The following POU2F1 variants were observed in gnomAD, a reference collection of about 807,000 sequenced individuals.
The protein encoded by POU2F1 is POU domain, class 2, transcription factor 1.
A neutral mutation model predicts 84.9 loss-of-function variants in POU2F1; 16 were observed. The ratio of observed to expected loss-of-function variants is 0.19; its 90% CI spans 0.13 to 0.29. The LOEUF is 0.29. POU2F1 is among the 10% of genes least tolerant of loss of function. POU2F1 has a pLI of 1.00. For missense variants in POU2F1, 738 were observed against 942.6 expected, an observed-to-expected ratio of 0.78 and a Z score of 2.84; for synonymous variants, 368 against 368.3, an observed-to-expected ratio of 1.00 and a Z score of 0.01.
chr1:167,370,689 A>G (rs1439776394), intron 4 of POU2F1, among the ~76,000 whole-genome samples: 1 of 152,112 alleles, frequency 6.6e-6, no homozygotes, highest in Non-Finnish European at 1.5e-5. Flanking sequence ...AAGTCACATA[A>G]CCTCCTTGGG....
intron 1 of POU2F1, among the ~76,000 whole-genome samples, chr1:167,228,812 G>A (rs1466810968): frequency 1.3e-5 from 2 of 152,102 alleles, no homozygotes; most frequent in Non-Finnish European, 2.9e-5. Flanking sequence ...CTGGAGCAAG[G>A]CAGGTATAAA....
At chr1:167,262,143 G>A (rs1038061067) in intron 1 of POU2F1, among the ~76,000 whole-genome samples, 4 of 152,162 alleles carry the variant, frequency 2.6e-5, no homozygotes, top group Non-Finnish European at 5.9e-5. Flanking sequence ...GCTAATTACA[G>A]TGCAGGTGTT....
At chr1:167,282,437 C>T (rs1653222401) in intron 1 of POU2F1, among the ~76,000 whole-genome samples, 1 of 152,222 alleles carries the variant, frequency 6.6e-6, no homozygotes, top group Non-Finnish European at 1.5e-5. Flanking sequence ...ACCTACCGCG[C>T]CTGGCCAAAA....
chr1:167,232,591 C>G (rs1470644385), intron 1 of POU2F1, among the ~76,000 whole-genome samples: 2 of 152,052 alleles, frequency 1.3e-5, no homozygotes, highest in Non-Finnish European at 1.5e-5. Flanking sequence ...GCCTGTAATC[C>G]CAGCACTTTG....
At chr1:167,229,245 G>C (rs1465062195) in intron 1 of POU2F1, among the ~76,000 whole-genome samples, 1 of 151,904 alleles carries the variant, frequency 6.6e-6, no homozygotes, top group African/African-American at 2.4e-5. Flanking sequence ...GATGCAAAGA[G>C]ATTATCAAGG....
chr1:167,307,876 A>C (rs961547537), intron 1 of POU2F1, among the ~76,000 whole-genome samples: 2 of 152,172 alleles, frequency 1.3e-5, no homozygotes, highest in Non-Finnish European at 2.9e-5. Context: ...GAATAGTTCC[A>C]TAAGTCTTTT....
intron 2 of POU2F1, among the ~76,000 whole-genome samples, chr1:167,333,597 G>A (rs1366766324): frequency 6.6e-6 from 1 of 152,176 alleles, no homozygotes; most frequent in Non-Finnish European, 1.5e-5. Flanking sequence ...ACCTGGAGAT[G>A]CTTATGTTAA....
At chr1:167,381,598 CTT>C (rs1254288356) in intron 7 of POU2F1, among the ~76,000 whole-genome samples, 1 of 138,052 alleles carries the variant, frequency 7.2e-6, no homozygotes, top group Non-Finnish European at 1.5e-5. Context: ...TTTGTGCTCT[CTT>C]CTCTTTTTTT....
chr1:167,399,997 T>G (rs1380299139), intron 12 of POU2F1, among the ~76,000 whole-genome samples: 1 of 79,816 alleles, frequency 1.3e-5, no homozygotes, highest in Non-Finnish European at 2.5e-5. Context: ...TTTTTTTTTT[T>G]GTTGAGACAG....
rs1184183063 is a variant in POU2F1, at chr1:167,325,887, C to CAA, written c.62-6568_62-6567dup. Among the ~76,000 whole-genome samples, 459 of 99,500 alleles carry CAA rather than the reference C, an allele frequency of 4.6e-3. 2 individuals carry two copies. The highest frequency in any genetic ancestry group is 0.013 in the African/African-American group (399 of 30,670). 65.3% of individuals were successfully genotyped at this position (99,500 alleles called of 152,430 possible). ...ATGGGCAAAAGAGCAAACTCCATCT[C>CAA]AAAAAAAAAAAAAAAACTAGTAGTG... is the stretch of plus-strand genomic sequence containing the variant. On this transcript the variant is annotated intron_variant, in intron 1 of 15. Transcript: ENST00000367866.
intron 1 of POU2F1, among the ~76,000 whole-genome samples, chr1:167,266,284 T>G (rs1024164448): frequency 2.0e-5 from 3 of 152,226 alleles, no homozygotes; most frequent in Non-Finnish European, 2.9e-5. Flanking sequence ...CCAAATTATC[T>G]TCCGAAGGTG....
chr1:167,329,366 T>A, intron 1 of POU2F1: 1 of 1,521,516 alleles, frequency 6.6e-7, no homozygotes, highest in South Asian at 1.2e-5. Flanking sequence ...GTGTGTCGGG[T>A]TGACTATGCA....
At chr1:167,253,521 G>A (rs868020623) in intron 1 of POU2F1, among the ~76,000 whole-genome samples, 1 of 151,956 alleles carries the variant, frequency 6.6e-6, no homozygotes, top group Non-Finnish European at 1.5e-5. Context: ...TGCCTCTCAG[G>A]CTCAGGCGAT....
chr1:167,426,713 A>T lies in POU2F1; in HGVS notation c.*10903A>T, dbSNP rs1650973444. On this transcript the variant is annotated 3_prime_UTR_variant, in exon 16 of 16. Coordinates refer to ENST00000367866, the MANE Select transcript of POU2F1 (RefSeq NM_002697.4). ...CCGGCCTCCTAGAACTTTTTGTTTTATGTACTTTAAAATGTGAGTTTGAGT... is the reference window on the plus strand; with the variant it reads ...CCGGCCTCCTAGAACTTTTTGTTTTTTGTACTTTAAAATGTGAGTTTGAGT... 6.6e-6 allele frequency: 1 copy of T among 152,038 alleles called. No homozygotes were observed. The highest frequency in any genetic ancestry group is 2.4e-5 in the African/African-American group (1 of 41,374). 9.4% of individuals were successfully genotyped at this position (152,038 alleles called of 1,614,324 possible).
At chr1:167,279,378 A>G (rs981503021) in intron 1 of POU2F1, among the ~76,000 whole-genome samples, 4 of 152,234 alleles carry the variant, frequency 2.6e-5, no homozygotes, top group Non-Finnish European at 5.9e-5. Context: ...GTGTCCCCCC[A>G]TGACAGAACA....
intron 1 of POU2F1, among the ~76,000 whole-genome samples, chr1:167,318,342 G>A (rs531519071): frequency 3.1e-4 from 47 of 152,268 alleles, no homozygotes; most frequent in South Asian, 1.7e-3. Flanking sequence ...CCATTTGACC[G>A]TTTTGTTTAG....
At position 167,422,414 on chromosome 1, in the gene POU2F1, A is replaced by G. The variant is rs1650703757; in HGVS notation, c.*6604A>G. The G allele has an allele frequency of 6.6e-6, 1 of 152,360 alleles. No homozygotes were observed. Among genetic ancestry groups the G allele is most frequent in the East Asian group, 1.9e-4 (1 of 5,188 alleles). The allele number at this position is 152,360 out of a possible 1,614,324, so 9.4% of individuals were successfully genotyped here. A position where few individuals can be genotyped will look rare whatever the true frequency, so the allele number is the denominator to read the frequency against. On this transcript the variant is annotated 3_prime_UTR_variant, in exon 16 of 16. Coordinates refer to ENST00000367866, the MANE Select transcript of POU2F1 (RefSeq NM_002697.4). Reference sequence around the variant, plus strand: ...AACACAACACTTTAAAACCTTACTTACTTTTCTCATACCAAGGCTAGTTCT... The same window carrying G: ...AACACAACACTTTAAAACCTTACTTGCTTTTCTCATACCAAGGCTAGTTCT...
chr1:167,336,898 G>A (rs1657497700), intron 2 of POU2F1, among the ~76,000 whole-genome samples: 1 of 152,060 alleles, frequency 6.6e-6, no homozygotes, highest in Non-Finnish European at 1.5e-5. Context: ...AGGCGCCATG[G>A]CTCATGCTTG....
chr1:167,412,032 G>T lies in POU2F1; in HGVS notation c.1629G>T (p.Thr543=), dbSNP rs372332412. The T allele has an allele frequency of 6.2e-7, 1 of 1,614,014 alleles. No individual in the cohort carries two copies. The highest frequency in any genetic ancestry group is 1.7e-5 in the Admixed American group (1 of 59,998). ...STAPPASSAV[T]SPSLSPSPSA... Reference sequence around the variant, plus strand: ...CGCCTCCAGCTTCCTCAGCAGTCACGTCCCCCTCTCTGAGTCCCTCCCCTT... The same window carrying T: ...CGCCTCCAGCTTCCTCAGCAGTCACTTCCCCCTCTCTGAGTCCCTCCCCTT... Residue 543 remains threonine (T), a synonymous_variant, in exon 14 of 16, where the codon ACG becomes ACT. Coordinates refer to ENST00000367866, the MANE Select transcript of POU2F1 (RefSeq NM_002697.4).
Sources: allele counts gnomAD v4.1 joint callset (sites outside exome capture counted in the v4.1 genomes callset), GRCh38; gene constraint gnomAD v4.1.1; transcripts MANE v1.5; gene names NCBI Gene and HGNC (gene_info 2026-07-23, HGNC 2026-07-21).